NLGN1: variants seen among roughly 807,000 people sequenced by gnomAD.
The protein encoded by NLGN1 is neuroligin-1.
Under a neutral mutation model 65.5 loss-of-function variants are expected in NLGN1, and 12 were observed. The ratio of observed to expected loss-of-function variants is 0.18; its 90% CI spans 0.12 to 0.30. The LOEUF (loss-of-function observed/expected upper bound fraction) is 0.30. Among genes scored for constraint, NLGN1 ranks in the 10% least tolerant of loss-of-function variants. The probability of loss-of-function intolerance (pLI) is 1.00; values close to 1 mark genes in which losing one functional copy is unlikely to be tolerated. For missense variants in NLGN1, 750 were observed against 1,007.1 expected (o/e 0.74, Z 3.46); for synonymous variants, 350 against 359.5 (o/e 0.97, Z 0.30).
At chr3:173,606,059 C>G (rs1446618923) in intron 3 of NLGN1, among the ~76,000 whole-genome samples, 1 of 151,932 alleles carries the variant, frequency 6.6e-6, no homozygotes, top group Non-Finnish European at 1.5e-5. Context: ...CTTTCTCATC[C>G]TAAGGATAAA....
intron 4 of NLGN1, among the ~76,000 whole-genome samples, chr3:174,029,958 C>G (rs1020617894): frequency 2.0e-5 from 3 of 152,118 alleles, no homozygotes; most frequent in Admixed American, 6.5e-5. Context: ...ATAAATTACC[C>G]AGTCTCAGCT....
intron 2 of NLGN1, among the ~76,000 whole-genome samples, chr3:173,469,097 T>C (rs188816431): frequency 8.5e-5 from 13 of 152,264 alleles, no homozygotes; most frequent in Admixed American, 6.5e-4. Context: ...TTATCAATAC[T>C]TAAAGCAACA....
chr3:174,284,039 C>T (rs1296948080), exon 7 of NLGN1: 1 of 151,360 alleles, frequency 6.6e-6, no homozygotes, highest in Non-Finnish European at 1.5e-5. Context: ...CAATCTATTG[C>T]TCTGCATTTA....
intron 3 of NLGN1, among the ~76,000 whole-genome samples, chr3:173,709,764 T>C (rs1264311214): frequency 5.8e-5 from 8 of 138,996 alleles, no homozygotes; most frequent in Non-Finnish European, 1.2e-4. Context: ...GATTGTACCA[T>C]TGAATTACAG....
intron 3 of NLGN1, among the ~76,000 whole-genome samples, chr3:173,779,141 T>C (rs1362664382): frequency 6.6e-6 from 1 of 151,880 alleles, no homozygotes; most frequent in Non-Finnish European, 1.5e-5. Flanking sequence ...GAAAAAATGG[T>C]ATTTTGATAA....
At chr3:173,880,113 C>T (rs78993736) in intron 4 of NLGN1, among the ~76,000 whole-genome samples, 1,713 of 152,030 alleles carry the variant, frequency 0.011, 36 homozygotes, top group African/African-American at 0.036. Context: ...AGTAGATCAA[C>T]CTTAAAAATA....
chr3:174,119,411 A>G (rs1437565889), intron 4 of NLGN1, among the ~76,000 whole-genome samples: 2 of 135,996 alleles, frequency 1.5e-5, no homozygotes, highest in African/African-American at 2.9e-5. Flanking sequence ...ACTTCAAAGT[A>G]TCTCATAGCT....
In NLGN1 at chr3:173,559,922, T is replaced by C. The variant is rs185109054; in HGVS notation, c.-320-44357T>C. 2.9e-3 allele frequency among the ~76,000 whole-genome samples: 436 copies of C among 151,324 alleles called. 6 individuals carry two copies. The highest frequency in any genetic ancestry group is 0.027 in the Admixed American group (404 of 15,150). On this transcript the variant is annotated intron_variant, in intron 2 of 6. Transcript: ENST00000457714. ...GATTATCATTTGACTTCAGTGATAATGTTACTTTGTCTAGATACACTTTTT... is the reference window on the plus strand; with the variant it reads ...GATTATCATTTGACTTCAGTGATAACGTTACTTTGTCTAGATACACTTTTT...
At chr3:173,576,752 G>C (rs1745558980) in intron 2 of NLGN1, among the ~76,000 whole-genome samples, 2 of 152,104 alleles carry the variant, frequency 1.3e-5, no homozygotes, top group African/African-American at 4.8e-5. Flanking sequence ...GCCATATAAA[G>C]TGGCATATGC....
intron 4 of NLGN1, among the ~76,000 whole-genome samples, chr3:173,902,043 T>C: frequency 6.6e-6 from 1 of 152,078 alleles, no homozygotes; most frequent in Non-Finnish European, 1.5e-5. Flanking sequence ...CAAAATTTGG[T>C]TCCCTACACA....
chr3:173,700,856 T>C (rs371948593), intron 3 of NLGN1, among the ~76,000 whole-genome samples: 1 of 152,318 alleles, frequency 6.6e-6, no homozygotes, highest in African/African-American at 2.4e-5. Flanking sequence ...CCGGGCACGG[T>C]GGCTCAAGCC....
chr3:174,199,304 T>A (rs778188027), intron 4 of NLGN1, among the ~76,000 whole-genome samples: 30 of 151,940 alleles, frequency 2.0e-4, no homozygotes, highest in Non-Finnish European at 3.5e-4. Context: ...TTTGTTATGA[T>A]GATTTAATAA....
intron 4 of NLGN1, among the ~76,000 whole-genome samples, chr3:173,926,633 C>G (rs1743052061): frequency 6.6e-6 from 1 of 152,176 alleles, no homozygotes; most frequent in African/African-American, 2.4e-5. Flanking sequence ...GTTTCTTTTA[C>G]CTCACGAGAT....
chr3:174,120,477 A>T, intron 4 of NLGN1, among the ~76,000 whole-genome samples: 1 of 152,124 alleles, frequency 6.6e-6, no homozygotes, highest in East Asian at 1.9e-4. Flanking sequence ...ACTGCACCCC[A>T]GCCTGGGTGA....
intron 3 of NLGN1, among the ~76,000 whole-genome samples, chr3:173,798,185 T>G (rs2150396346): frequency 6.6e-6 from 1 of 152,226 alleles, no homozygotes; most frequent in Non-Finnish European, 1.5e-5. Flanking sequence ...TTTCTTAATA[T>G]AGCCAAGAAT....
At chr3:174,218,728 A>C (rs1049198589) in intron 4 of NLGN1, among the ~76,000 whole-genome samples, 1 of 152,066 alleles carries the variant, frequency 6.6e-6, no homozygotes, top group Non-Finnish European at 1.5e-5. Flanking sequence ...TCAGATAAGT[A>C]AGCTATATTT....
chr3:173,917,672 C>A (rs959157106), intron 4 of NLGN1, among the ~76,000 whole-genome samples: 37 of 152,142 alleles, frequency 2.4e-4, no homozygotes, highest in African/African-American at 7.7e-4. Flanking sequence ...ACTCCCTAGT[C>A]AGGAAGATGT....
At chr3:173,884,945 A>G (rs1313280783) in intron 4 of NLGN1, among the ~76,000 whole-genome samples, 1 of 152,140 alleles carries the variant, frequency 6.6e-6, no homozygotes, top group Admixed American at 6.5e-5. Context: ...AGAGAGGTAA[A>G]GAAGGGACTT....
chr3:174,208,930 T>C (rs543746896), intron 4 of NLGN1, among the ~76,000 whole-genome samples: 171 of 152,254 alleles, frequency 1.1e-3, no homozygotes, highest in African/African-American at 3.8e-3. Context: ...CTGTTGTTGT[T>C]GTTTCTTTTT....
Sources: allele counts gnomAD v4.1 joint callset (sites outside exome capture counted in the v4.1 genomes callset), GRCh38; gene constraint gnomAD v4.1.1; transcripts MANE v1.5; gene names NCBI Gene and HGNC (gene_info 2026-07-23, HGNC 2026-07-21).